HDAC9: variants seen among roughly 807,000 people sequenced by gnomAD.
The protein encoded by HDAC9 is MEF-2 interacting transcription repressor (MITR) protein.
A neutral mutation model predicts 139.4 loss-of-function variants in HDAC9; 41 were observed. The ratio of observed to expected loss-of-function variants is 0.29; its 90% CI spans 0.23 to 0.38. The LOEUF (loss-of-function observed/expected upper bound fraction) is 0.38. Ranked by LOEUF, HDAC9 falls within the 10% of genes least tolerant of loss-of-function variation. The pLI is 1.00. For synonymous variants in HDAC9, 517 were observed against 476.2 expected (o/e 1.09, Z -1.12); for missense variants, 1,147 against 1,297.0 (o/e 0.88, Z 1.78).
At chr7:18,371,995 A>G (rs916889639) in intron 1 of HDAC9, among the ~76,000 whole-genome samples, 1 of 152,216 alleles carries the variant, frequency 6.6e-6, no homozygotes, top group African/African-American at 2.4e-5. Context: ...CCTTTGGATT[A>G]AAATTGAATA....
chr7:18,379,247 A>T (rs924169818), intron 1 of HDAC9, among the ~76,000 whole-genome samples: 1 of 152,242 alleles, frequency 6.6e-6, no homozygotes, highest in Admixed American at 6.5e-5. Flanking sequence ...ATAAGTATAG[A>T]TTAAAATCGT....
chr7:18,278,440 C>G (rs948502219), intron 2 of HDAC9, among the ~76,000 whole-genome samples: 5 of 152,152 alleles, frequency 3.3e-5, no homozygotes, highest in Non-Finnish European at 1.5e-5. Flanking sequence ...GTATAAATAG[C>G]TTTGCTGAGA....
In HDAC9 at chr7:18,835,923, G is replaced by A. The variant is rs1796206259; in HGVS notation, c.2610G>A (p.Gly870=). 2 of 1,560,594 alleles carry A rather than the reference G, an allele frequency of 1.3e-6. No homozygotes were observed. Among genetic ancestry groups the A allele is most frequent in the Non-Finnish European group, 1.7e-6 (2 of 1,150,864 alleles). The change falls in exon 21 of 26, where the codon GGG becomes GGA. Residue 870 remains glycine, a synonymous_variant. Coordinates refer to ENST00000686413, the MANE Select transcript of HDAC9 (RefSeq NM_178425.4). Reference sequence around the variant, plus strand: ...AGGTTGGAACAGGCCTTGGAGAAGGGTACAATATAAATATTGCCTGGACAG... The same window carrying A: ...AGGTTGGAACAGGCCTTGGAGAAGGATACAATATAAATATTGCCTGGACAG... ...PNEVGTGLGE[G]YNINIAWTGG...
At chr7:18,966,947 C>G (rs551240672) in intron 24 of HDAC9, among the ~76,000 whole-genome samples, 1 of 152,294 alleles carries the variant, frequency 6.6e-6, no homozygotes, top group South Asian at 2.1e-4. Flanking sequence ...CTGAAATGAG[C>G]TCACAAACAA....
Position 18,582,817 on chromosome 7 carries a change from C to T in HDAC9, c.23-2464C>T, listed in dbSNP as rs147024754. ...TAGAAATATGTAACACTTCTTGATA[C>T]GTATTACCAAATTGGTTTTGCATAA... On this transcript the variant is annotated intron_variant, in intron 2 of 25. Coordinates refer to ENST00000686413, the MANE Select transcript of HDAC9 (RefSeq NM_178425.4). 6.9e-3 allele frequency among the ~76,000 whole-genome samples: 1,049 copies of T among 152,158 alleles called. 11 individuals carry two copies. Among genetic ancestry groups the T allele is most frequent in the African/African-American group, 0.024 (990 of 41,510 alleles).
At chr7:18,731,814 C>T (rs1260160734) in intron 13 of HDAC9, among the ~76,000 whole-genome samples, 3 of 151,478 alleles carry the variant, frequency 2.0e-5, no homozygotes, top group African/African-American at 7.3e-5. Context: ...TTAGTAGAGA[C>T]GGGGTTTCTC....
intron 24 of HDAC9, among the ~76,000 whole-genome samples, chr7:18,970,352 G>C (rs1361881567): frequency 1.3e-5 from 2 of 152,096 alleles, no homozygotes; most frequent in South Asian, 2.1e-4. Context: ...TGACAAACAT[G>C]AATTATGCAA....
intron 2 of HDAC9, among the ~76,000 whole-genome samples, chr7:18,540,341 C>T (rs1255835401): frequency 2.0e-5 from 3 of 149,344 alleles, no homozygotes; most frequent in Non-Finnish European, 4.4e-5. Context: ...TGCCTTCTTT[C>T]TTACATATAA....
At chr7:18,615,262 C>A (rs1004576034) in intron 6 of HDAC9, among the ~76,000 whole-genome samples, 9 of 152,060 alleles carry the variant, frequency 5.9e-5, no homozygotes, top group Admixed American at 3.9e-4. Flanking sequence ...ACTGTTCCCC[C>A]TCCTCTTTTA....
intron 2 of HDAC9, among the ~76,000 whole-genome samples, chr7:18,187,481 A>T (rs964287990): frequency 2.6e-5 from 4 of 152,232 alleles, no homozygotes; most frequent in Admixed American, 6.5e-5. Flanking sequence ...CTTTCTATGA[A>T]CATCACAGAT....
chr7:18,437,795 A>G (rs1791349036), intron 1 of HDAC9, among the ~76,000 whole-genome samples: 1 of 151,506 alleles, frequency 6.6e-6, no homozygotes, highest in South Asian at 2.1e-4. Context: ...AAAATAATTC[A>G]TACATTTATA....
intron 1 of HDAC9, among the ~76,000 whole-genome samples, chr7:18,107,232 C>T (rs899435745): frequency 2.0e-5 from 3 of 152,058 alleles, no homozygotes; most frequent in African/African-American, 4.8e-5. Context: ...GGTAAATATC[C>T]GTTTCTTTTT....
chr7:18,556,113 T>A (rs1277659739), intron 2 of HDAC9, among the ~76,000 whole-genome samples: 1 of 152,046 alleles, frequency 6.6e-6, no homozygotes, highest in Non-Finnish European at 1.5e-5. Flanking sequence ...AAGTTTCAGG[T>A]TATTGTTGGA....
chr7:18,120,778 A>T (rs1784319246), intron 1 of HDAC9, among the ~76,000 whole-genome samples: 1 of 152,200 alleles, frequency 6.6e-6, no homozygotes, highest in Non-Finnish European at 1.5e-5. Context: ...TTAGATTAAG[A>T]ATGAGAGCTT....
intron 16 of HDAC9, among the ~76,000 whole-genome samples, chr7:18,782,363 C>T (rs1227072175): frequency 6.6e-6 from 1 of 152,112 alleles, no homozygotes; most frequent in Non-Finnish European, 1.5e-5. Flanking sequence ...ACAAAGGAGA[C>T]TGTGCCTAAA....
chr7:18,561,800 A>G (rs926952836), intron 2 of HDAC9, among the ~76,000 whole-genome samples: 12 of 152,222 alleles, frequency 7.9e-5, no homozygotes, highest in Non-Finnish European at 1.5e-4. Context: ...TTGCTGAATA[A>G]TACTCCATTG....
intron 22 of HDAC9, among the ~76,000 whole-genome samples, chr7:18,897,691 G>T (rs1274107773): frequency 6.6e-6 from 1 of 151,650 alleles, no homozygotes; most frequent in African/African-American, 2.4e-5. Flanking sequence ...AAGAATTGGA[G>T]TCTACTTAAA....
In HDAC9 at chr7:18,644,420, T is replaced by A. The variant is rs767725097; in HGVS notation, c.913-251T>A. Among the ~76,000 whole-genome samples the A allele has an allele frequency of 2.6e-5, 4 of 152,290 alleles. No homozygotes were observed. In the South Asian group the frequency reaches 8.3e-4, roughly 32 times the overall value. On this transcript the variant is annotated intron_variant, in intron 8 of 25. Coordinates refer to ENST00000686413, the MANE Select transcript of HDAC9 (RefSeq NM_178425.4). Reference sequence around the variant, plus strand: ...TGACAAACATGCTGACCATATTTTGTATAGCCAGAATTTTATAAATGAATT... The same window carrying A: ...TGACAAACATGCTGACCATATTTTGAATAGCCAGAATTTTATAAATGAATT...
chr7:18,093,753 T>C (rs565608141), intron 1 of HDAC9, among the ~76,000 whole-genome samples: 5 of 152,344 alleles, frequency 3.3e-5, no homozygotes, highest in African/African-American at 1.2e-4. Flanking sequence ...TGTTTTGATC[T>C]TGAAAAGTCT....
Sources: gnomAD v4.1 joint callset for allele counts (sites outside exome capture counted in the v4.1 genomes callset) on GRCh38, gnomAD v4.1.1 for gene constraint, MANE v1.5 for transcripts, NCBI Gene and HGNC (gene_info 2026-07-23, HGNC 2026-07-21) for gene names.